The following ZNF385B variants were observed in gnomAD, a reference collection of about 807,000 sequenced individuals.
The protein encoded by ZNF385B is zinc finger protein 533.
In ZNF385B, 23 loss-of-function variants were observed where a neutral mutation model predicts 39.2. The ratio of observed to expected loss-of-function variants is 0.59; its 90% confidence interval spans 0.42 to 0.83. The LOEUF is 0.83. Among genes scored for constraint, ZNF385B ranks in the 40% least tolerant of loss-of-function variants. The probability of loss-of-function intolerance (pLI) is 0.00; values close to 1 mark genes in which losing one functional copy is unlikely to be tolerated. For synonymous variants in ZNF385B, 205 were observed against 222.6 expected, an observed-to-expected ratio of 0.92 and a Z score of 0.70; for missense variants, 552 against 598.9, an observed-to-expected ratio of 0.92 and a Z score of 0.82.
chr2:179,494,436 G>T (rs1301700119), intron 5 of ZNF385B, among the ~76,000 whole-genome samples: 1 of 151,994 alleles, frequency 6.6e-6, no homozygotes, highest in African/African-American at 2.4e-5. Flanking sequence ...GATGAAAAGG[G>T]TTCAAAATTA....
At chr2:179,835,225 A>C (rs1278190033) in intron 1 of ZNF385B, among the ~76,000 whole-genome samples, 2 of 152,246 alleles carry the variant, frequency 1.3e-5, no homozygotes, top group Non-Finnish European at 2.9e-5. Context: ...AGCAAAAACA[A>C]AACCAAATGT....
rs568144501 is a variant in ZNF385B at position 179,807,564 on chromosome 2, C to T, written c.-154-36892G>A. On this transcript the variant is annotated intron_variant, in intron 1 of 9. Transcript: ENST00000410066. The stretch of plus-strand genomic sequence containing the variant: ...TACCACTGCTCTCCAGCCTGGGTGA[C>T]AGAGGGAGACTCCATCCCCTCCCCC... Among the ~76,000 whole-genome samples the T allele has an allele frequency of 6.6e-5, 10 of 151,896 alleles. No homozygotes were observed. In the South Asian group the frequency reaches 1.7e-3, roughly 25 times the overall value.
rs1462441083 is a variant in ZNF385B, at chr2:179,711,969, C to T, written c.298+57534G>A. ...GGACTGCCATGTATGTAAGTCCCCTCGATAAACTCTGTGTTTTGGTTGCCG... is the reference window on the plus strand; with the variant it reads ...GGACTGCCATGTATGTAAGTCCCCTTGATAAACTCTGTGTTTTGGTTGCCG... On this transcript the variant is annotated intron_variant, in intron 3 of 9. Coordinates refer to ENST00000410066, the MANE Select transcript of ZNF385B (RefSeq NM_152520.6). Among the ~76,000 whole-genome samples the T allele has an allele frequency of 3.4e-5, 5 of 146,626 alleles. No homozygotes were observed. The East Asian group carries it at 6.1e-4, about 18-fold the overall frequency.
chr2:179,786,025 A>G (rs1406648694), intron 1 of ZNF385B, among the ~76,000 whole-genome samples: 1 of 152,060 alleles, frequency 6.6e-6, no homozygotes, highest in Non-Finnish European at 1.5e-5. Context: ...TGCCACCCCA[A>G]CCTTCAGCAA....
chr2:179,475,152 A>G (rs2053263016), intron 6 of ZNF385B, among the ~76,000 whole-genome samples: 1 of 152,154 alleles, frequency 6.6e-6, no homozygotes, highest in African/African-American at 2.4e-5. Context: ...CAGTAACATG[A>G]GGCACATTTC....
At chr2:179,463,722 TG>T (rs1453198965) in intron 6 of ZNF385B, among the ~76,000 whole-genome samples, 1 of 152,234 alleles carries the variant, frequency 6.6e-6, no homozygotes, top group Non-Finnish European at 1.5e-5. Context: ...ATGGTGTATA[TG>T]TGCCACATTT....
At chr2:179,504,767 C>A (rs2105746697) in intron 5 of ZNF385B, among the ~76,000 whole-genome samples, 1 of 151,774 alleles carries the variant, frequency 6.6e-6, no homozygotes, top group Non-Finnish European at 1.5e-5. Flanking sequence ...ATGTAACAAA[C>A]CCGCACGTTG....
intron 3 of ZNF385B, among the ~76,000 whole-genome samples, chr2:179,642,440 C>T (rs1324504392): frequency 6.6e-6 from 1 of 152,120 alleles, no homozygotes; most frequent in East Asian, 1.9e-4. Context: ...CCTCTCCTGT[C>T]TCAACAACTC....
At chr2:179,851,257 C>T (rs932759391) in intron 1 of ZNF385B, among the ~76,000 whole-genome samples, 2 of 152,184 alleles carry the variant, frequency 1.3e-5, no homozygotes, top group Non-Finnish European at 2.9e-5. Context: ...TCAAGACCAG[C>T]CCGTGCAACG....
intron 3 of ZNF385B, among the ~76,000 whole-genome samples, chr2:179,597,398 A>G (rs1688085828): frequency 1.3e-5 from 2 of 152,198 alleles, no homozygotes; most frequent in South Asian, 4.1e-4. Flanking sequence ...TAGGATGTAT[A>G]TATTACTTTG....
intron 3 of ZNF385B, among the ~76,000 whole-genome samples, chr2:179,678,990 A>G (rs1014002397): frequency 2.6e-5 from 4 of 152,244 alleles, no homozygotes; most frequent in African/African-American, 9.6e-5. Context: ...CCTTAAGGTT[A>G]GAAATTGTGC....
intron 3 of ZNF385B, among the ~76,000 whole-genome samples, chr2:179,636,448 C>T (rs570447999): frequency 2.0e-5 from 3 of 152,296 alleles, no homozygotes; most frequent in Non-Finnish European, 4.4e-5. Context: ...AAAGCTACCC[C>T]CAATACCACC....
At chr2:179,543,299 A>C (rs2105902664) in intron 4 of ZNF385B, among the ~76,000 whole-genome samples, 1 of 152,246 alleles carries the variant, frequency 6.6e-6, no homozygotes, top group South Asian at 2.1e-4. Flanking sequence ...ATAAAAAGTA[A>C]AAGAAAATAA....
At chr2:179,447,931 A>G (rs2049670036) in intron 6 of ZNF385B, among the ~76,000 whole-genome samples, 1 of 151,902 alleles carries the variant, frequency 6.6e-6, no homozygotes, top group African/African-American at 2.4e-5. Context: ...AAAATATTAC[A>G]TAAAGAAAAG....
chr2:179,692,964 C>T (rs147013559), intron 3 of ZNF385B, among the ~76,000 whole-genome samples: 4 of 152,322 alleles, frequency 2.6e-5, no homozygotes, highest in East Asian at 1.9e-4. Context: ...CCTGGCTACT[C>T]GGTGTGGTCC....
At chr2:179,657,740 A>G (rs2292651) in intron 3 of ZNF385B, among the ~76,000 whole-genome samples, 5 of 152,264 alleles carry the variant, frequency 3.3e-5, no homozygotes, top group East Asian at 3.8e-4. Flanking sequence ...TAGTAAGACA[A>G]CAATAATTGT....
intron 3 of ZNF385B, among the ~76,000 whole-genome samples, chr2:179,597,937 A>G (rs935415427): frequency 1.1e-4 from 17 of 152,200 alleles, no homozygotes; most frequent in African/African-American, 4.1e-4. Context: ...TCTTCACTAG[A>G]GCTCAAGATT....
chr2:179,618,587 G>T (rs1195157508), intron 3 of ZNF385B, among the ~76,000 whole-genome samples: 1 of 152,076 alleles, frequency 6.6e-6, no homozygotes. Context: ...CCATCTTCCT[G>T]TAACCATAGC....
At chr2:179,514,778 GTTTTTTTTT>G (rs10594566) in intron 5 of ZNF385B, among the ~76,000 whole-genome samples, 1 of 143,392 alleles carries the variant, frequency 7.0e-6, no homozygotes, top group African/African-American at 2.6e-5. Flanking sequence ...ATGTGTGGTG[GTTTTTTTTT>G]TTTTTTTTTA....
Sources: gnomAD v4.1 joint callset for allele counts (sites outside exome capture counted in the v4.1 genomes callset) on GRCh38, gnomAD v4.1.1 for gene constraint, MANE v1.5 for transcripts, NCBI Gene and HGNC (gene_info 2026-07-23, HGNC 2026-07-21) for gene names.